Variants in BBS9 observed in about 807,000 individuals in gnomAD.
BBS9 encodes the protein protein PTHB1.
BBS9 carries 89 observed loss-of-function variants against 117.7 expected under a neutral mutation model. The ratio of observed to expected loss-of-function variants is 0.76; its 90% CI spans 0.64 to 0.90. BBS9 has a LOEUF of 0.90. BBS9 is among the 40% of genes least tolerant of loss of function. BBS9 has a pLI of 0.00. For synonymous variants in BBS9, 379 were observed against 370.9 expected (o/e 1.02, Z -0.25); for missense variants, 982 against 1,042.2 (o/e 0.94, Z 0.80).
chr7:33,337,648 A>T (rs1191057379), intron 10 of BBS9, among the ~76,000 whole-genome samples: 1 of 152,272 alleles, frequency 6.6e-6, no homozygotes, highest in East Asian at 1.9e-4. Flanking sequence ...AGTACCTCCA[A>T]TTACTTAAAA....
Position 33,388,052 on chromosome 7 carries a change from G to A in BBS9, c.2023G>A (p.Ala675Thr), listed in dbSNP as rs1826348034. ...LLSERAVQFR[A>T]IQRRLLARFK... ...ATCTGAGAGAGCTGTACAATTTCGGGCCATTCAACGCCGGCTACTAGCAAG... is the reference window on the plus strand; with the variant it reads ...ATCTGAGAGAGCTGTACAATTTCGGACCATTCAACGCCGGCTACTAGCAAG... The change falls in exon 19 of 23, where the codon GCC (alanine) becomes ACC (threonine). Residue 675 changes from alanine (A) to threonine (T), a missense_variant. Ala to Thr is a moderately conservative substitution (Grantham distance 58). Transcript: ENST00000242067. 6.2e-7 allele frequency: 1 copy of A among 1,613,962 alleles called. No individual in the cohort carries two copies. Among genetic ancestry groups the A allele is most frequent in the Non-Finnish European group, 8.5e-7 (1 of 1,180,004 alleles).
intron 9 of BBS9, among the ~76,000 whole-genome samples, chr7:33,274,682 AT>A (rs1397710179): frequency 2.0e-5 from 3 of 152,114 alleles, no homozygotes; most frequent in African/African-American, 7.2e-5. Flanking sequence ...CTTATTTATA[AT>A]ATTTTATTGA....
intron 1 of BBS9, among the ~76,000 whole-genome samples, chr7:33,132,318 G>GAAT (rs1789743969): frequency 6.6e-6 from 1 of 152,164 alleles, no homozygotes; most frequent in Non-Finnish European, 1.5e-5. Context: ...AAGGATACCT[G>GAAT]AATAATAGTA....
At chr7:33,383,903 T>C in intron 18 of BBS9, 65 bp downstream of exon 18, 1 of 1,521,522 alleles carries the variant, frequency 6.6e-7, no homozygotes, top group Middle Eastern at 2.4e-4. Flanking sequence ...ATAGATGCTA[T>C]AGAAGGATTC....
At chr7:33,441,469 A>G (rs1836170070) in intron 19 of BBS9, among the ~76,000 whole-genome samples, 1 of 152,206 alleles carries the variant, frequency 6.6e-6, no homozygotes, top group African/African-American at 2.4e-5. Context: ...CATAAAATGA[A>G]AATCACAATA....
intron 21 of BBS9, among the ~76,000 whole-genome samples, chr7:33,552,619 A>T (rs941827558): frequency 6.6e-6 from 1 of 152,034 alleles, no homozygotes; most frequent in Non-Finnish European, 1.5e-5. Context: ...CTTCTGTGCT[A>T]ATCTGTTTCA....
Position 33,383,667 on chromosome 7 carries a change from A to G in BBS9, c.1791A>G (p.Gln597=), listed in dbSNP as rs1356507074. ...RITVLASKTS[Q]RYRIQSEQFE... is the part of the protein sequence containing the mutation. Reference sequence around the variant, plus strand: ...TTTTCCTTAATTTTTTTCTCTCAGAACGATATCGCATTCAGAGTGAACAAT... The same window carrying G: ...TTTTCCTTAATTTTTTTCTCTCAGAGCGATATCGCATTCAGAGTGAACAAT... The change falls in exon 18 of 23, where the codon CAA becomes CAG. Residue 597 remains glutamine (Q), a splice_region_variant and synonymous_variant. Transcript: ENST00000242067. The G allele has an allele frequency of 6.2e-7, 1 of 1,603,174 alleles. No individual in the cohort carries two copies. The highest frequency in any genetic ancestry group is 8.5e-7 in the Non-Finnish European group (1 of 1,173,132).
chr7:33,299,254 C>T (rs1271397750), intron 9 of BBS9, among the ~76,000 whole-genome samples: 2 of 152,260 alleles, frequency 1.3e-5, no homozygotes, highest in South Asian at 2.1e-4. Flanking sequence ...TCTTCTCTTT[C>T]ATCTGTTCTT....
intron 2 of BBS9, among the ~76,000 whole-genome samples, chr7:33,151,430 G>A (rs1793284902): frequency 6.6e-6 from 1 of 152,134 alleles, no homozygotes; most frequent in Admixed American, 6.5e-5. Context: ...CTTTCCCAAT[G>A]CAGGCAGAGT....
chr7:33,157,272 A>G (rs1794230559), intron 4 of BBS9, among the ~76,000 whole-genome samples: 1 of 152,216 alleles, frequency 6.6e-6, no homozygotes, highest in Non-Finnish European at 1.5e-5. Context: ...ACTGAAAGAA[A>G]CTGGCATATT....
intron 1 of BBS9, among the ~76,000 whole-genome samples, chr7:33,135,420 T>C (rs1379298220): frequency 6.6e-6 from 1 of 152,256 alleles, no homozygotes; most frequent in Admixed American, 6.5e-5. Flanking sequence ...TATTCGGTCA[T>C]CTTAGACCCA....
Position 33,377,812 on chromosome 7 carries a change from C to A in BBS9, c.1790-5854C>A, listed in dbSNP as rs147671042. Among the ~76,000 whole-genome samples the A allele has an allele frequency of 3.3e-5, 5 of 151,942 alleles. No homozygotes were observed. The East Asian group carries it at 9.6e-4, about 29-fold the overall frequency. On this transcript the variant is annotated intron_variant, in intron 17 of 22. Coordinates refer to ENST00000242067, the MANE Select transcript of BBS9 (RefSeq NM_198428.3). ...TATGAATGGGATTGTGTTCCTGATT[C>A]GGCTCTTGGCTTTATGTACAAAATC...
chr7:33,581,105 A>T (rs879698601), intron 21 of BBS9, among the ~76,000 whole-genome samples: 3,140 of 151,796 alleles, frequency 0.021, 63 homozygotes, highest in South Asian at 0.096. Context: ...TGAGAGAGAG[A>T]GAGAGAGAGA....
chr7:33,234,277 G>A (rs1391887340), intron 5 of BBS9, among the ~76,000 whole-genome samples: 1 of 152,006 alleles, frequency 6.6e-6, no homozygotes, highest in Non-Finnish European at 1.5e-5. Flanking sequence ...TCCACTGGGG[G>A]TCTTGGAATG....
chr7:33,177,502 G>A lies in BBS9; in HGVS notation c.353G>A (p.Gly118Glu). 10 of 1,612,328 alleles carry A rather than the reference G, an allele frequency of 6.2e-6. No individual in the cohort carries two copies. Among genetic ancestry groups the A allele is most frequent in the Non-Finnish European group, 8.5e-6 (10 of 1,179,236 alleles). The change falls in exon 5 of 23, where the codon GGG becomes GAG. Residue 118 changes from glycine (G) to glutamate (E), a missense_variant. Physicochemically the swap from Gly to Glu is moderately conservative, Grantham distance 98. Transcript: ENST00000242067. ...GGAACCTTGGGTAATGTGGAACATG[G>A]GAACCAATGTCAGATGAAATTGATG... is the stretch of plus-strand genomic sequence containing the variant. ...VSGTLGNVEH[G>E]NQCQMKLMYE...
At chr7:33,229,673 T>C (rs187757158) in intron 5 of BBS9, among the ~76,000 whole-genome samples, 5 of 152,298 alleles carry the variant, frequency 3.3e-5, no homozygotes, top group East Asian at 1.9e-4. Context: ...TGCACACTTA[T>C]GTTGTTTCCA....
intron 17 of BBS9, among the ~76,000 whole-genome samples, chr7:33,373,381 C>A (rs1368832428): frequency 6.6e-6 from 1 of 152,068 alleles, no homozygotes; most frequent in Non-Finnish European, 1.5e-5. Context: ...TGATAATCTG[C>A]AAAGAATGCT....
At chr7:33,365,623 A>G (rs1393981068) in intron 16 of BBS9, among the ~76,000 whole-genome samples, 1 of 152,214 alleles carries the variant, frequency 6.6e-6, no homozygotes, top group Non-Finnish European at 1.5e-5. Context: ...GCCAGTTTCC[A>G]GTGCCTGATG....
chr7:33,629,245 G>A (rs910691369), intron 21 of BBS9, among the ~76,000 whole-genome samples: 2 of 152,200 alleles, frequency 1.3e-5, no homozygotes, highest in Non-Finnish European at 2.9e-5. Context: ...GTGTGAATTA[G>A]GGAGTTAGTT....
Sources: gnomAD v4.1 joint callset for allele counts (sites outside exome capture counted in the v4.1 genomes callset) on GRCh38, gnomAD v4.1.1 for gene constraint, MANE v1.5 for transcripts, NCBI Gene and HGNC (gene_info 2026-07-23, HGNC 2026-07-21) for gene names.